ABCC4: variants seen among roughly 807,000 people sequenced by gnomAD.
ABCC4 encodes ATP-binding cassette sub-family C member 4.
Under a neutral mutation model 168.5 loss-of-function variants are expected in ABCC4, and 102 were observed. The ratio of observed to expected loss-of-function variants is 0.61; its 90% CI spans 0.52 to 0.71. The LOEUF (loss-of-function observed/expected upper bound fraction) is 0.71, where lower values mean the gene tolerates loss of function less well. Ranked by LOEUF, ABCC4 falls within the 30% of genes least tolerant of loss-of-function variation. ABCC4 has a pLI of 0.00. For synonymous variants in ABCC4, 617 were observed against 590.7 expected, an observed-to-expected ratio of 1.04 and a Z score of -0.65; for missense variants, 1,402 against 1,605.8, an observed-to-expected ratio of 0.87 and a Z score of 2.17.
At chr13:95,191,812 G>C (rs1428566938) in intron 9 of ABCC4, among the ~76,000 whole-genome samples, 1 of 152,132 alleles carries the variant, frequency 6.6e-6, no homozygotes, top group Non-Finnish European at 1.5e-5. Flanking sequence ...TTTTTATTCA[G>C]TTTTGGCTGC....
At chr13:95,212,745 T>C (rs893673487) in intron 4 of ABCC4, among the ~76,000 whole-genome samples, 1 of 152,024 alleles carries the variant, frequency 6.6e-6, no homozygotes, top group African/African-American at 2.4e-5. Flanking sequence ...AACTCTACAG[T>C]CAACACAGAA....
intron 13 of ABCC4, among the ~76,000 whole-genome samples, chr13:95,171,613 A>G (rs2037480729): frequency 6.6e-6 from 1 of 152,128 alleles, no homozygotes; most frequent in African/African-American, 2.4e-5. Flanking sequence ...ATTAATCTGT[A>G]ACAAGGGCCA....
chr13:95,215,221 G>C (rs963088498), intron 4 of ABCC4, among the ~76,000 whole-genome samples: 1 of 151,966 alleles, frequency 6.6e-6, no homozygotes, highest in African/African-American at 2.4e-5. Context: ...AGGAGTTCGC[G>C]ACCAGCCTGG....
intron 19 of ABCC4, among the ~76,000 whole-genome samples, chr13:95,142,632 A>G (rs2036357115): frequency 6.6e-6 from 1 of 152,168 alleles, no homozygotes; most frequent in South Asian, 2.1e-4. Flanking sequence ...TAAACCAGAA[A>G]AAAAAGAAAT....
intron 27 of ABCC4, among the ~76,000 whole-genome samples, 178 bp from the exon 28 acceptor site, chr13:95,044,616 A>G (rs984685825): frequency 1.3e-5 from 2 of 152,230 alleles, no homozygotes; most frequent in Non-Finnish European, 2.9e-5. Flanking sequence ...TAGAGTCAAC[A>G]CAAAACGGAA....
chr13:95,251,531 T>C (rs1343923840), intron 1 of ABCC4, among the ~76,000 whole-genome samples: 2 of 152,188 alleles, frequency 1.3e-5, no homozygotes, highest in South Asian at 4.1e-4. Context: ...AATTATAGTC[T>C]ATCAAAGAAG....
At chr13:95,282,311 G>A (rs978243645) in intron 1 of ABCC4, among the ~76,000 whole-genome samples, 3 of 152,118 alleles carry the variant, frequency 2.0e-5, no homozygotes, top group Admixed American at 1.3e-4. Flanking sequence ...CTCTGGAAGT[G>A]AAAGGCTTCT....
At chr13:95,218,472 T>C (rs1446707431) in intron 4 of ABCC4, among the ~76,000 whole-genome samples, 1 of 152,248 alleles carries the variant, frequency 6.6e-6, no homozygotes, top group African/African-American at 2.4e-5. Context: ...CTTTATAATC[T>C]GACAGTTTCA....
chr13:95,141,781 G>A (rs1025775952), intron 19 of ABCC4, among the ~76,000 whole-genome samples: 10 of 152,130 alleles, frequency 6.6e-5, no homozygotes, highest in East Asian at 1.9e-4. Flanking sequence ...TGACTCTTTC[G>A]TAAGAGACGG....
In ABCC4 at chr13:95,247,034, C is replaced by T. The variant is rs747943559; in HGVS notation, c.247G>A (p.Ala83Thr). 3 of 1,612,524 alleles carry T rather than the reference C, an allele frequency of 1.9e-6. No homozygotes were observed. Among genetic ancestry groups the T allele is most frequent in the Admixed American group, 1.7e-5 (1 of 59,992 alleles). Residue 83 changes from alanine (A) to threonine (T), a missense_variant, in exon 3 of 31, where the codon GCA (alanine) becomes ACA (threonine). By Grantham distance (58) the Ala-to-Thr change is moderately conservative. Around this residue, in one of 3 missense-constraint regions of ABCC4, gnomAD observed 317 missense variants for 345.5 expected, o/e 0.92. Coordinates refer to ENST00000645237, the MANE Select transcript of ABCC4 (RefSeq NM_005845.5). ...GATTTCCAGTAACACTTTATGATTG[C>T]TCTTGTTAAAGAAGGCTTCTGTGCG... The part of the protein sequence containing the change: ...NDAQKPSLTR[A>T]IIKCYWKSYL...
At position 95,241,359 on chromosome 13, in the gene ABCC4, A is replaced by G. The variant is rs1402739149; in HGVS notation, c.306+5616T>C. 6.7e-5 allele frequency among the ~76,000 whole-genome samples: 5 copies of G among 75,158 alleles called. No homozygotes were observed. The East Asian group carries it at 1.1e-3, about 16-fold the overall frequency. 49.3% of individuals were successfully genotyped at this position (75,158 alleles called of 152,430 possible). ...CAGCCTGGTGACAGAATGAGACTCCATCTCAGGAAAAAAAAAAAAATACAC... is the reference window on the plus strand; with the variant it reads ...CAGCCTGGTGACAGAATGAGACTCCGTCTCAGGAAAAAAAAAAAAATACAC... On this transcript the variant is annotated intron_variant, in intron 3 of 30. Coordinates refer to ENST00000645237, the MANE Select transcript of ABCC4 (RefSeq NM_005845.5).
At chr13:95,151,262 G>A (rs1338591493) in intron 19 of ABCC4, among the ~76,000 whole-genome samples, 1 of 152,032 alleles carries the variant, frequency 6.6e-6, no homozygotes. Context: ...GATCACTTGA[G>A]GTCAGGAGTT....
intron 27 of ABCC4, among the ~76,000 whole-genome samples, chr13:95,052,623 C>G (rs1370003018): frequency 6.6e-6 from 1 of 152,092 alleles, no homozygotes; most frequent in Non-Finnish European, 1.5e-5. Flanking sequence ...AATTATTATC[C>G]CATTCCAACT....
intron 19 of ABCC4, among the ~76,000 whole-genome samples, chr13:95,117,227 C>T (rs928238559): frequency 5.3e-5 from 8 of 150,092 alleles, no homozygotes; most frequent in African/African-American, 2.0e-4. Flanking sequence ...AGAGGGTTGT[C>T]CTAGGGATTA....
At chr13:95,096,522 C>T (rs1426717808) in intron 20 of ABCC4, among the ~76,000 whole-genome samples, 1 of 151,970 alleles carries the variant, frequency 6.6e-6, no homozygotes, top group African/African-American at 2.4e-5. Flanking sequence ...TATAGTCAAA[C>T]AGCAAAAACT....
chr13:95,202,833 T>C (rs1446538149), intron 8 of ABCC4, among the ~76,000 whole-genome samples: 1 of 151,880 alleles, frequency 6.6e-6, no homozygotes, highest in African/African-American at 2.4e-5. Context: ...GTTGTTGTTT[T>C]ATTTTTTGCA....
At position 95,104,394 on chromosome 13, in the gene ABCC4, A is replaced by G. The variant is rs115425317; in HGVS notation, c.2535+11528T>C. ...CTCCCAAAGTGCTGAGATTACAGGC[A>G]TGAAAAAACATGTCCGGGTCTGATG... On this transcript the variant is annotated intron_variant, in intron 20 of 30. Coordinates refer to ENST00000645237, the MANE Select transcript of ABCC4 (RefSeq NM_005845.5). Among the ~76,000 whole-genome samples, 1,335 of 152,294 alleles carry G rather than the reference A, an allele frequency of 8.8e-3. 22 individuals carry two copies. Among genetic ancestry groups the G allele is most frequent in the African/African-American group, 0.031 (1,276 of 41,564 alleles).
intron 4 of ABCC4, among the ~76,000 whole-genome samples, chr13:95,225,275 G>A (rs2039432062): frequency 1.3e-5 from 2 of 151,854 alleles, no homozygotes; most frequent in South Asian, 4.1e-4. Flanking sequence ...AAAAATTACT[G>A]CAACTTAACG....
chr13:95,148,078 T>C (rs1193834880), intron 19 of ABCC4, among the ~76,000 whole-genome samples: 2 of 152,182 alleles, frequency 1.3e-5, no homozygotes, highest in Non-Finnish European at 2.9e-5. Context: ...AGACTCCTAT[T>C]GTTTCATCAA....
Sources: allele counts gnomAD v4.1 joint callset (sites outside exome capture counted in the v4.1 genomes callset), GRCh38; gene constraint gnomAD v4.1.1; regional missense constraint gnomAD v4.1.1; transcripts MANE v1.5; gene names NCBI Gene and HGNC (gene_info 2026-07-23, HGNC 2026-07-21).